Variants in C1QTNF9 observed in about 807,000 individuals in gnomAD.
The protein encoded by C1QTNF9 is C1q and TNF related 9, also known as complement C1q and tumor necrosis factor-related protein 9A.
A neutral mutation model predicts 10.1 loss-of-function variants in C1QTNF9; 6 were observed. The ratio of observed to expected loss-of-function variants is 0.59; its 90% CI spans 0.32 to 1.17. The LOEUF (loss-of-function observed/expected upper bound fraction) is 1.17, where lower values mean the gene tolerates loss of function less well. Ranked by LOEUF, C1QTNF9 falls within the 50% of genes most tolerant of loss-of-function variation. The pLI, the probability that C1QTNF9 is intolerant of heterozygous loss-of-function variation, is 0.04. For missense variants in C1QTNF9, 201 were observed against 418.8 expected (o/e 0.48, Z 4.54); for synonymous variants, 98 against 163.5 (o/e 0.60, Z 3.06).
chr13:24,320,012 G>A (rs1186183541), intron 3 of C1QTNF9, among the ~76,000 whole-genome samples: 1 of 152,150 alleles, frequency 6.6e-6, no homozygotes. Context: ...GGTATGGGTG[G>A]GGGTGCAAGG....
chr13:24,313,275 A>C (rs1324063195), intron 1 of C1QTNF9, among the ~76,000 whole-genome samples: 1 of 152,220 alleles, frequency 6.6e-6, no homozygotes, highest in Admixed American at 6.5e-5. Context: ...AAAACTAGTG[A>C]AATAATTACA....
At chr13:24,313,483 C>T (rs1343460118) in intron 1 of C1QTNF9, among the ~76,000 whole-genome samples, 2 of 152,158 alleles carry the variant, frequency 1.3e-5, no homozygotes, top group Non-Finnish European at 2.9e-5. Flanking sequence ...TGACTGCTTC[C>T]GGCCACTTCT....
At chr13:24,311,182 A>G (rs1877807377) in intron 1 of C1QTNF9, among the ~76,000 whole-genome samples, 1 of 152,186 alleles carries the variant, frequency 6.6e-6, no homozygotes, top group African/African-American at 2.4e-5. Context: ...TTGAGGAGTG[A>G]TAACCTTGGC....
At chr13:24,320,851 G>A in intron 3 of C1QTNF9, 145 bp from the exon 4 acceptor site, 1 of 676,682 alleles carries the variant, frequency 1.5e-6, no homozygotes, top group Non-Finnish European at 2.4e-6. Context: ...GCACCCAGAT[G>A]GAGTAATTGA....
chr13:24,309,988 G>A (rs1391473715), intron 1 of C1QTNF9, among the ~76,000 whole-genome samples: 2 of 151,982 alleles, frequency 1.3e-5, no homozygotes, highest in Non-Finnish European at 2.9e-5. Flanking sequence ...CTCGCCTCCC[G>A]GGTTCAAGCA....
intron 2 of C1QTNF9, among the ~76,000 whole-genome samples, chr13:24,316,653 A>G (rs1389461841): frequency 1.3e-5 from 2 of 152,216 alleles, no homozygotes; most frequent in African/African-American, 2.4e-5. Flanking sequence ...GTGACAGATG[A>G]CACAAAAGGA....
chr13:24,322,010 A>T, exon 4 of C1QTNF9: 1 of 514,792 alleles, frequency 1.9e-6, no homozygotes. Flanking sequence ...TTATCTGAAG[A>T]ATCCCTCGTC....
At chr13:24,308,256 G>A (rs541247597), upstream of C1QTNF9, among the ~76,000 whole-genome samples, 12 of 152,324 alleles carry the variant, frequency 7.9e-5, no homozygotes, top group East Asian at 2.3e-3. Flanking sequence ...GGGAAGGGCC[G>A]GGCAGCGAGA....
chr13:24,321,020 A>C, exon 4 of C1QTNF9: 1 of 1,592,374 alleles, frequency 6.3e-7, no homozygotes, highest in Non-Finnish European at 8.5e-7. Flanking sequence ...GTTGAAGCAA[A>C]AGGCATCAAA....
chr13:24,314,635 G>T (rs1877960177), intron 1 of C1QTNF9, among the ~76,000 whole-genome samples: 2 of 152,170 alleles, frequency 1.3e-5, no homozygotes, highest in South Asian at 2.1e-4. Flanking sequence ...ATCGGCCATT[G>T]CACTCCAGCT....
chr13:24,309,501 A>G (rs559355843), upstream of C1QTNF9: 6 of 151,806 alleles, frequency 4.0e-5, no homozygotes, highest in Admixed American at 1.3e-4. Flanking sequence ...CCTTCCTGCT[A>G]TTTTGCAGAC....
In C1QTNF9 at chr13:24,322,090, C is replaced by T. The variant is rs564248492; in HGVS notation, c.*322C>T. ...TCTGAGGAGTCATATGAAGATGTAT[C>T]CCTCATCTGTGTTTCTGAGGACATT... On this transcript the variant is annotated 3_prime_UTR_variant, in exon 4 of 4. Transcript: ENST00000332018. The T allele has an allele frequency of 2.7e-3, 687 of 256,994 alleles. 1 individual carries two copies. The highest frequency in any genetic ancestry group is 4.0e-3 in the Non-Finnish European group (570 of 141,118). 15.9% of individuals were successfully genotyped at this position (256,994 alleles called of 1,614,324 possible). A position where few individuals can be genotyped will look rare whatever the true frequency, so the allele number is the denominator to read the frequency against.
chr13:24,312,843 T>C (rs1877884321), intron 1 of C1QTNF9, among the ~76,000 whole-genome samples: 1 of 151,004 alleles, frequency 6.6e-6, no homozygotes, highest in South Asian at 2.1e-4. Flanking sequence ...TAGTCCCAGC[T>C]ACTCGGGAGG....
intron 1 of C1QTNF9, among the ~76,000 whole-genome samples, chr13:24,310,860 C>T (rs12869589): frequency 0.32 from 46,092 of 145,626 alleles, 7,978 homozygotes; most frequent in Non-Finnish European, 0.38. Flanking sequence ...TGCAGTGAGC[C>T]GAGATCGCGC....
chr13:24,317,001 A>G (rs1878064335), intron 2 of C1QTNF9, among the ~76,000 whole-genome samples: 1 of 152,262 alleles, frequency 6.6e-6, no homozygotes, highest in Non-Finnish European at 1.5e-5. Context: ...TTTCTAACAC[A>G]TCTCAGCTTA....
intron 1 of C1QTNF9, among the ~76,000 whole-genome samples, chr13:24,313,887 A>G (rs1203148185): frequency 6.6e-6 from 1 of 152,228 alleles, no homozygotes; most frequent in Non-Finnish European, 1.5e-5. Flanking sequence ...ATTTTAGTCT[A>G]CTATCAAAAT....
intron 1 of C1QTNF9, among the ~76,000 whole-genome samples, chr13:24,309,977 C>A (rs188834738): frequency 2.0e-5 from 3 of 151,904 alleles, no homozygotes; most frequent in South Asian, 4.2e-4. Flanking sequence ...CTCACTGCAA[C>A]CTCGCCTCCC....
intron 1 of C1QTNF9, among the ~76,000 whole-genome samples, chr13:24,312,759 A>G (rs1226684441): frequency 6.6e-6 from 1 of 151,970 alleles, no homozygotes; most frequent in African/African-American, 2.4e-5. Flanking sequence ...AATCGAGACC[A>G]TCCTGGCTAA....
chr13:24,318,832 C>T, exon 3 of C1QTNF9: 1 of 1,614,264 alleles, frequency 6.2e-7, no homozygotes. Context: ...ACCAGGACGT[C>T]CTGGCAGCCC....
Sources: gnomAD v4.1 joint callset for allele counts (sites outside exome capture counted in the v4.1 genomes callset) on GRCh38, gnomAD v4.1.1 for gene constraint, MANE v1.5 for transcripts, NCBI Gene and HGNC (gene_info 2026-07-23, HGNC 2026-07-21) for gene names.